ENOSF1: variants seen among roughly 807,000 people sequenced by gnomAD.
The protein encoded by ENOSF1 is enolase superfamily member 1.
A neutral mutation model predicts 68.2 loss-of-function variants in ENOSF1; 73 were observed. The ratio of observed to expected loss-of-function variants is 1.07; its 90% CI spans 0.89 to 1.30. The LOEUF (loss-of-function observed/expected upper bound fraction) is 1.30, where lower values mean the gene tolerates loss of function less well. Among genes scored for constraint, ENOSF1 ranks in the 50% most tolerant of loss-of-function variants. The probability of loss-of-function intolerance (pLI) is 0.00; values close to 1 mark genes in which losing one functional copy is unlikely to be tolerated. For synonymous variants in ENOSF1, 223 were observed against 210.4 expected, an observed-to-expected ratio of 1.06 and a Z score of -0.52; for missense variants, 589 against 554.5, an observed-to-expected ratio of 1.06 and a Z score of -0.62.
downstream of ENOSF1, among the ~76,000 whole-genome samples, chr18:666,913 G>GA (rs1228955728): frequency 2.9e-4 from 19 of 65,142 alleles, 3 homozygotes; most frequent in African/African-American, 6.6e-4. Context: ...AGATGGTGAT[G>GA]GTGATGGAGA....
In ENOSF1 at chr18:670,579, C is replaced by A. The variant is rs2074996164; in HGVS notation, c.*3726G>T. On this transcript the variant is annotated 3_prime_UTR_variant, in exon 16 of 16. Coordinates refer to ENST00000647584, the MANE Select transcript of ENOSF1 (RefSeq NM_017512.7). ...CATCACTGCAGCCCAGTGGCTCTCT[C>A]TCCTGGTCTCCACCATATGAGTTGG... 4 of 1,177,748 alleles carry A rather than the reference C, an allele frequency of 3.4e-6. No homozygotes were observed. Among genetic ancestry groups the A allele is most frequent in the Non-Finnish European group, 4.8e-6 (4 of 825,530 alleles). The allele number at this position is 1,177,748 out of a possible 1,614,324, so 73.0% of individuals were successfully genotyped here.
At chr18:708,027 T>TC (rs1198929331) in intron 1 of ENOSF1, among the ~76,000 whole-genome samples, 2 of 151,118 alleles carry the variant, frequency 1.3e-5, no homozygotes, top group Non-Finnish European at 3.0e-5. Context: ...GACCAGCTTT[T>TC]TTTTTTTTTT....
intron 3 of ENOSF1, among the ~76,000 whole-genome samples, chr18:696,204 CTTTTT>C (rs368856668): frequency 1.9e-4 from 22 of 118,708 alleles, no homozygotes; most frequent in African/African-American, 5.7e-4. Flanking sequence ...ACATCTCTCT[CTTTTT>C]TTTTTTTTTT....
chr18:677,724 GCCGC>G lies in ENOSF1; in HGVS notation c.1048+15_1048+18del. ...TGGGGAAATGAAGGTCTGGTCTGCA[GCCGC>G]TGCAGCACGCTTACTTTCAAACTTT... is the stretch of plus-strand genomic sequence containing the variant. On this transcript the variant is annotated intron_variant, in intron 13 of 15. Transcript: ENST00000647584. The G allele has an allele frequency of 1.2e-6, 2 of 1,607,226 alleles. No homozygotes were observed. Among genetic ancestry groups the G allele is most frequent in the Non-Finnish European group, 1.7e-6 (2 of 1,177,224 alleles).
intron 11 of ENOSF1, among the ~76,000 whole-genome samples, chr18:681,800 A>G (rs576328704): frequency 6.6e-6 from 1 of 152,134 alleles, no homozygotes; most frequent in Admixed American, 6.5e-5. Context: ...TTTGTTTCAC[A>G]TATCTCGGCT....
intron 1 of ENOSF1, among the ~76,000 whole-genome samples, chr18:707,288 G>C (rs530351287): frequency 6.6e-6 from 1 of 152,244 alleles, no homozygotes; most frequent in South Asian, 2.1e-4. Flanking sequence ...GCCTCTTAAA[G>C]TGCTGGGATT....
At chr18:667,113 T>A (rs1426275070), downstream of ENOSF1, among the ~76,000 whole-genome samples, 5 of 67,250 alleles carry the variant, frequency 7.4e-5, 1 homozygote, top group African/African-American at 1.2e-4. Context: ...ATGGAGATGG[T>A]GATGGTGATG....
chr18:706,611 C>T, intron 1 of ENOSF1, 33 bp from the exon 2 acceptor site: 3 of 1,509,028 alleles, frequency 2.0e-6, no homozygotes, highest in Non-Finnish European at 1.8e-6. Flanking sequence ...CGAAACAATG[C>T]CAGTGTGAGA....
At chr18:695,008 A>G (rs922193143) in intron 3 of ENOSF1, among the ~76,000 whole-genome samples, 2 of 152,242 alleles carry the variant, frequency 1.3e-5, no homozygotes, top group Non-Finnish European at 2.9e-5. Flanking sequence ...CTCAGGGAAT[A>G]TAACATTGAT....
rs1320800848 is a variant in ENOSF1 at position 692,834 on chromosome 18, C to T, written c.423+1048G>A. Reference sequence around the variant, plus strand: ...CCCTACGGATGGCCCGGAAGCCACTCTCCATGTCAGAGACGATGTGACAGC... The same window carrying T: ...CCCTACGGATGGCCCGGAAGCCACTTTCCATGTCAGAGACGATGTGACAGC... On this transcript the variant is annotated intron_variant, in intron 5 of 15. Transcript: ENST00000647584. 1.0e-5 allele frequency: 11 copies of T among 1,065,056 alleles called. No homozygotes were observed. In the Admixed American group the frequency reaches 3.8e-4, roughly 37 times the overall value. 66.0% of individuals were successfully genotyped at this position (1,065,056 alleles called of 1,614,324 possible).
At chr18:666,986 G>GAGA (rs2074843443), downstream of ENOSF1, among the ~76,000 whole-genome samples, 1 of 7,862 alleles carries the variant, frequency 1.3e-4, no homozygotes, top group East Asian at 4.2e-3. Context: ...GATGGAGATG[G>GAGA]TGATGGTGAT....
chr18:691,278 T>C lies in ENOSF1; in HGVS notation c.424-2A>G. ...GCAGGATACCAGCATCCTGGGATCC[T>C]GGCAACGTGACAGGAGGGGAAGAGG... On this transcript the variant is annotated splice_acceptor_variant, in intron 5 of 15. Coordinates refer to ENST00000647584, the MANE Select transcript of ENOSF1 (RefSeq NM_017512.7). LOFTEE classifies it high-confidence loss of function. The C allele has an allele frequency of 1.2e-6, 2 of 1,613,216 alleles. No individual in the cohort carries two copies. The highest frequency in any genetic ancestry group is 1.7e-6 in the Non-Finnish European group (2 of 1,179,434).
chr18:696,207 T>C (rs2077702167), intron 3 of ENOSF1, among the ~76,000 whole-genome samples: 1 of 66,086 alleles, frequency 1.5e-5, no homozygotes, highest in Non-Finnish European at 3.7e-5. Flanking sequence ...TCTCTCTCTT[T>C]TTTTTTTTTT....
intron 8 of ENOSF1, 118 bp from the exon 9 acceptor site, chr18:688,726 C>T (rs963624435): frequency 1.2e-6 from 1 of 854,452 alleles, no homozygotes; most frequent in South Asian, 1.5e-5. Context: ...CAGAGTAACA[C>T]CCATGTGTTG....
chr18:685,911 G>C lies in ENOSF1; in HGVS notation c.741+10C>G. On this transcript the variant is annotated intron_variant, in intron 10 of 15. Transcript: ENST00000647584. ...GCTACTGCTTCTTAGTGGTGTGAGA[G>C]GATATTTACCAAAGTCTTTTCCGGT... is the stretch of plus-strand genomic sequence containing the variant. 2 of 1,606,066 alleles carry C rather than the reference G, an allele frequency of 1.2e-6. No individual in the cohort carries two copies. Among genetic ancestry groups the C allele is most frequent in the Non-Finnish European group, 1.7e-6 (2 of 1,172,646 alleles).
chr18:678,887 C>G, intron 11 of ENOSF1, 150 bp from the exon 12 acceptor site: 1 of 776,738 alleles, frequency 1.3e-6, no homozygotes, highest in South Asian at 1.6e-5. Flanking sequence ...CAGGGGAACA[C>G]ATGCGTGCGG....
chr18:707,690 A>G (rs1260334256), intron 1 of ENOSF1: 2 of 152,172 alleles, frequency 1.3e-5, no homozygotes, highest in Non-Finnish European at 2.9e-5. Flanking sequence ...ATTCTATAAT[A>G]TTTATTGTGC....
intron 2 of ENOSF1, among the ~76,000 whole-genome samples, chr18:698,455 T>C (rs2077976136): frequency 6.6e-6 from 1 of 152,184 alleles, no homozygotes; most frequent in Non-Finnish European, 1.5e-5. Context: ...GAATTTGCAA[T>C]TAGCATACTA....
intron 9 of ENOSF1, chr18:688,175 A>AT (rs1406717652): frequency 6.1e-6 from 1 of 165,038 alleles, no homozygotes; most frequent in African/African-American, 2.4e-5. Flanking sequence ...CTCAAAAAAA[A>AT]AAAAGAGAAG....
Sources: allele counts gnomAD v4.1 joint callset (sites outside exome capture counted in the v4.1 genomes callset), GRCh38; gene constraint gnomAD v4.1.1; transcripts MANE v1.5; gene names NCBI Gene and HGNC (gene_info 2026-07-23, HGNC 2026-07-21).